NLN: variants seen among roughly 807,000 people sequenced by gnomAD.
NLN encodes the protein neurolysin, mitochondrial.
A neutral mutation model predicts 79.9 loss-of-function variants in NLN; 64 were observed. The observed-to-expected ratio is 0.80, with a 90% confidence interval of 0.65 to 0.99. NLN has a LOEUF of 0.99. Among genes scored for constraint, NLN ranks in the 50% least tolerant of loss-of-function variants. The pLI is 0.00. For synonymous variants in NLN, 267 were observed against 296.6 expected (o/e 0.90, Z 1.02); for missense variants, 835 against 858.7 (o/e 0.97, Z 0.34).
chr5:65,814,426 G>A (rs948571201), intron 12 of NLN, among the ~76,000 whole-genome samples: 6 of 151,844 alleles, frequency 4.0e-5, no homozygotes, highest in African/African-American at 7.3e-5. Context: ...GTTCTATTTC[G>A]TTCACCTAAA....
In NLN at chr5:65,758,564, T is replaced by C. The variant is rs755936697; in HGVS notation, c.42-3T>C. On this transcript the variant is annotated splice_region_variant and splice_polypyrimidine_tract_variant and intron_variant, in intron 1 of 12. Coordinates refer to ENST00000380985, the MANE Select transcript of NLN (RefSeq NM_020726.5). ...TTCTTATTCTTTTTCTGATTCTTTTTAGAGTTGGTGGTTCCAGGATTTTAC... is the reference window on the plus strand; with the variant it reads ...TTCTTATTCTTTTTCTGATTCTTTTCAGAGTTGGTGGTTCCAGGATTTTAC... The C allele has an allele frequency of 1.3e-5, 20 of 1,597,464 alleles. No homozygotes were observed. Among genetic ancestry groups the C allele is most frequent in the Non-Finnish European group, 6.0e-6 (7 of 1,166,076 alleles).
chr5:65,736,800 T>G (rs1317357275), intron 1 of NLN, among the ~76,000 whole-genome samples: 1 of 152,204 alleles, frequency 6.6e-6, no homozygotes, highest in Non-Finnish European at 1.5e-5. Flanking sequence ...TCACTTGTTT[T>G]CCAGTATTCA....
intron 9 of NLN, among the ~76,000 whole-genome samples, chr5:65,799,479 C>T (rs960329904): frequency 6.6e-6 from 1 of 152,134 alleles, no homozygotes; most frequent in African/African-American, 2.4e-5. Flanking sequence ...GAAATATTCT[C>T]CCCAGGGCTT....
chr5:65,728,658 A>C (rs1579903288), intron 1 of NLN, among the ~76,000 whole-genome samples: 1 of 152,304 alleles, frequency 6.6e-6, no homozygotes, highest in East Asian at 1.9e-4. Flanking sequence ...GATAAGTGGA[A>C]ATTTCTCTTA....
rs1341303491 is a variant in NLN at position 65,825,196 on chromosome 5, T to A, written c.*2281T>A. On this transcript the variant is annotated 3_prime_UTR_variant, in exon 13 of 13. Coordinates refer to ENST00000380985, the MANE Select transcript of NLN (RefSeq NM_020726.5). The stretch of plus-strand genomic sequence containing the variant: ...ATAATTCAAAAGAAAGGACTTAACT[T>A]TTTTTTTTTTAGTGTGGTCATCCGT... 1 of 148,852 alleles carries A rather than the reference T, an allele frequency of 6.7e-6. No individual in the cohort carries two copies. 9.2% of individuals were successfully genotyped at this position (148,852 alleles called of 1,614,324 possible). A position where few individuals can be genotyped will look rare whatever the true frequency, so the allele number is the denominator to read the frequency against.
intron 12 of NLN, among the ~76,000 whole-genome samples, chr5:65,816,083 G>T (rs1561214756): frequency 2.0e-5 from 3 of 152,044 alleles, no homozygotes; most frequent in Non-Finnish European, 4.4e-5. Flanking sequence ...ACGGAATACA[G>T]TGCAGCCAAG....
At chr5:65,767,642 C>T (rs1344205951) in intron 3 of NLN, among the ~76,000 whole-genome samples, 1 of 152,186 alleles carries the variant, frequency 6.6e-6, no homozygotes, top group Non-Finnish European at 1.5e-5. Context: ...TTGAACTTCT[C>T]CCCAGAAAAT....
At chr5:65,785,215 G>A (rs974809525) in intron 6 of NLN, among the ~76,000 whole-genome samples, 2 of 152,056 alleles carry the variant, frequency 1.3e-5, no homozygotes, top group Admixed American at 6.6e-5. Flanking sequence ...GGATCATATG[G>A]TATAATTTTT....
rs971154357 is a variant in NLN, at chr5:65,827,343, T to G, written c.*4428T>G. On this transcript the variant is annotated 3_prime_UTR_variant, in exon 13 of 13. Transcript: ENST00000380985. ...GAACAGGAAATAGACTCCCTTATTCTGCTCACATGAGCTGGAACCTGTACT... is the reference window on the plus strand; with the variant it reads ...GAACAGGAAATAGACTCCCTTATTCGGCTCACATGAGCTGGAACCTGTACT... 1 of 152,178 alleles carries G rather than the reference T, an allele frequency of 6.6e-6. No individual in the cohort carries two copies. The highest frequency in any genetic ancestry group is 2.4e-5 in the African/African-American group (1 of 41,440). The allele number at this position is 152,178 out of a possible 1,614,324, so 9.4% of individuals were successfully genotyped here.
At chr5:65,754,719 G>C (rs1759182161) in intron 1 of NLN, among the ~76,000 whole-genome samples, 2 of 152,126 alleles carry the variant, frequency 1.3e-5, no homozygotes, top group Non-Finnish European at 2.9e-5. Context: ...GGAAAGATCA[G>C]TATCTTCTTT....
At chr5:65,733,978 A>G (rs1372236777) in intron 1 of NLN, among the ~76,000 whole-genome samples, 2 of 134,870 alleles carry the variant, frequency 1.5e-5, no homozygotes, top group African/African-American at 5.7e-5. Context: ...GCTCACTGCA[A>G]CCTCTGCCTC....
chr5:65,796,876 G>A (rs548242147), intron 9 of NLN, among the ~76,000 whole-genome samples: 2 of 152,300 alleles, frequency 1.3e-5, no homozygotes, highest in East Asian at 3.9e-4. Context: ...TTAAGAAATG[G>A]CAGCTCAGTG....
chr5:65,758,937 T>C (rs1759282188), intron 2 of NLN, 111 bp downstream of exon 2: 3 of 963,734 alleles, frequency 3.1e-6, no homozygotes, highest in African/African-American at 3.3e-5. Context: ...TTTTACATTA[T>C]AATTAATTGC....
At chr5:65,728,799 G>GA (rs1038211420) in intron 1 of NLN, among the ~76,000 whole-genome samples, 41 of 152,232 alleles carry the variant, frequency 2.7e-4, no homozygotes, top group African/African-American at 8.9e-4. Context: ...TATTTATATG[G>GA]AAAATCTTAG....
In NLN at chr5:65,754,461, G is replaced by A. The variant is rs141037759; in HGVS notation, c.42-4106G>A. On this transcript the variant is annotated intron_variant, in intron 1 of 12. Coordinates refer to ENST00000380985, the MANE Select transcript of NLN (RefSeq NM_020726.5). ...TGTATGAGTGTTGAGAGGAAGATGT[G>A]CATATAATTAGATAGGGGAAGAGGT... Among the ~76,000 whole-genome samples, 4 of 152,244 alleles carry A rather than the reference G, an allele frequency of 2.6e-5. No individual in the cohort carries two copies. The East Asian group carries it at 5.8e-4, about 22-fold the overall frequency.
At chr5:65,752,063 A>G (rs1759114155) in intron 1 of NLN, among the ~76,000 whole-genome samples, 1 of 152,086 alleles carries the variant, frequency 6.6e-6, no homozygotes, top group Non-Finnish European at 1.5e-5. Context: ...AACATGGGAA[A>G]ACCACATCTC....
chr5:65,738,060 C>T (rs1236814549), intron 1 of NLN, among the ~76,000 whole-genome samples: 6 of 149,720 alleles, frequency 4.0e-5, no homozygotes, highest in African/African-American at 9.9e-5. Context: ...CCTCGGGAGG[C>T]GGAGGTTGCA....
intron 9 of NLN, among the ~76,000 whole-genome samples, chr5:65,797,989 G>A (rs1760205747): frequency 2.6e-5 from 4 of 152,152 alleles, no homozygotes; most frequent in Admixed American, 2.6e-4. Context: ...TGGAGTATTG[G>A]GAGTGATGGA....
At chr5:65,766,739 T>C (rs767970012) in intron 3 of NLN, among the ~76,000 whole-genome samples, 1 of 152,242 alleles carries the variant, frequency 6.6e-6, no homozygotes, top group Non-Finnish European at 1.5e-5. Flanking sequence ...CCTATGAGTC[T>C]GTAAAATCAA....
Sources: allele counts gnomAD v4.1 joint callset (sites outside exome capture counted in the v4.1 genomes callset), GRCh38; gene constraint gnomAD v4.1.1; transcripts MANE v1.5; gene names NCBI Gene and HGNC (gene_info 2026-07-23, HGNC 2026-07-21).